Variants in CCSER1 observed in about 807,000 individuals in gnomAD.
CCSER1 encodes serine-rich coiled-coil domain-containing protein 1.
In CCSER1, 41 loss-of-function variants were observed where a neutral mutation model predicts 82.0. The observed-to-expected ratio is 0.50, with a 90% CI of 0.39 to 0.65. CCSER1 has a LOEUF of 0.65. CCSER1 is among the 30% of genes least tolerant of loss of function. CCSER1 has a pLI of 0.00. For synonymous variants in CCSER1, 414 were observed against 383.9 expected (o/e 1.08, Z -0.92); for missense variants, 1,119 against 1,064.2 (o/e 1.05, Z -0.72).
At chr4:91,062,029 T>G (rs1743999070) in intron 9 of CCSER1, among the ~76,000 whole-genome samples, 1 of 150,684 alleles carries the variant, frequency 6.6e-6, no homozygotes, top group Admixed American at 6.6e-5. Flanking sequence ...TTCTGCATGC[T>G]CTCTCTCTCT....
intron 3 of CCSER1, among the ~76,000 whole-genome samples, chr4:90,378,771 T>C (rs931328910): frequency 3.3e-5 from 5 of 152,192 alleles, no homozygotes; most frequent in African/African-American, 1.2e-4. Context: ...TTTAGCAAAA[T>C]AGTACATTAT....
chr4:91,071,187 C>T (rs1721393947), intron 9 of CCSER1, among the ~76,000 whole-genome samples: 1 of 152,096 alleles, frequency 6.6e-6, no homozygotes, highest in Admixed American at 6.6e-5. Context: ...ACTGTTTGAG[C>T]AACTGGTATA....
At chr4:91,470,164 A>G (rs1009974823) in intron 10 of CCSER1, among the ~76,000 whole-genome samples, 34 of 152,302 alleles carry the variant, frequency 2.2e-4, no homozygotes, top group Admixed American at 1.3e-3. Flanking sequence ...TAAACTTGCT[A>G]AACTGAATGT....
At chr4:90,971,261 A>C (rs2150399217) in intron 9 of CCSER1, among the ~76,000 whole-genome samples, 1 of 152,064 alleles carries the variant, frequency 6.6e-6, no homozygotes, top group Middle Eastern at 3.4e-3. Context: ...ATCATGGTGG[A>C]AGGTGAAGAG....
At chr4:90,589,383 AAG>A (rs1782422813) in intron 5 of CCSER1, among the ~76,000 whole-genome samples, 1 of 152,046 alleles carries the variant, frequency 6.6e-6, no homozygotes, top group Non-Finnish European at 1.5e-5. Flanking sequence ...TTGATTAAAA[AAG>A]AGTTTCATGT....
At chr4:91,410,625 T>C (rs1752967793) in intron 10 of CCSER1, among the ~76,000 whole-genome samples, 1 of 152,154 alleles carries the variant, frequency 6.6e-6, no homozygotes, top group Non-Finnish European at 1.5e-5. Context: ...ATTCTCTGCC[T>C]TATTTTATTA....
intron 6 of CCSER1, among the ~76,000 whole-genome samples, chr4:90,662,994 G>A (rs905027204): frequency 1.3e-5 from 2 of 152,100 alleles, no homozygotes; most frequent in Admixed American, 1.3e-4. Context: ...TTCATAAAGT[G>A]AGATTACCTA....
intron 9 of CCSER1, among the ~76,000 whole-genome samples, chr4:91,006,677 G>C (rs911088545): frequency 1.3e-5 from 2 of 151,866 alleles, no homozygotes; most frequent in African/African-American, 4.8e-5. Flanking sequence ...ATTTTTAGTA[G>C]AGGCGGGGTT....
At chr4:91,423,396 A>G (rs950324923) in intron 10 of CCSER1, among the ~76,000 whole-genome samples, 11 of 151,960 alleles carry the variant, frequency 7.2e-5, no homozygotes, top group Admixed American at 5.9e-4. Context: ...TGCCACTGCA[A>G]TTCAGCCTGG....
intron 5 of CCSER1, among the ~76,000 whole-genome samples, chr4:90,565,142 A>G (rs1425216097): frequency 6.6e-6 from 1 of 151,730 alleles, no homozygotes; most frequent in Non-Finnish European, 1.5e-5. Flanking sequence ...ATTAATATTA[A>G]TGCTTTCAAT....
chr4:91,420,019 C>G (rs1578410596), intron 10 of CCSER1, among the ~76,000 whole-genome samples: 1 of 151,972 alleles, frequency 6.6e-6, no homozygotes, highest in Admixed American at 6.6e-5. Context: ...GAAACTGGAC[C>G]CTTGTCTTAC....
chr4:91,200,508 C>T (rs1024642756), intron 10 of CCSER1, among the ~76,000 whole-genome samples: 16 of 152,100 alleles, frequency 1.1e-4, no homozygotes, highest in South Asian at 2.1e-4. Flanking sequence ...TCAGCATTTA[C>T]GTGGATTTGT....
chr4:90,917,740 T>C (rs1727715092), intron 8 of CCSER1, among the ~76,000 whole-genome samples: 1 of 152,128 alleles, frequency 6.6e-6, no homozygotes, highest in Non-Finnish European at 1.5e-5. Context: ...AAAAAAATCT[T>C]TTATTATTGA....
At chr4:90,623,906 T>A (rs1347439638) in intron 5 of CCSER1, among the ~76,000 whole-genome samples, 1 of 152,182 alleles carries the variant, frequency 6.6e-6, no homozygotes, top group Non-Finnish European at 1.5e-5. Flanking sequence ...TTTATGTCAT[T>A]GTGCTGGTCT....
At chr4:91,157,617 T>A (rs1013621164) in intron 10 of CCSER1, among the ~76,000 whole-genome samples, 1 of 152,048 alleles carries the variant, frequency 6.6e-6, no homozygotes, top group African/African-American at 2.4e-5. Flanking sequence ...TATATTTATA[T>A]CTCCATCTAT....
intron 8 of CCSER1, among the ~76,000 whole-genome samples, chr4:90,871,603 T>G (rs1580862528): frequency 1.3e-5 from 2 of 152,000 alleles, no homozygotes; most frequent in East Asian, 3.9e-4. Flanking sequence ...TCATTGAGAA[T>G]TATCCATGTG....
In CCSER1 at chr4:90,309,078, A is replaced by T. The variant is rs2153478852; in HGVS notation, c.794A>T (p.Glu265Val). ...QTPSEFLALTEDSVSEMDAFS... is the reference protein window; with the variant it reads ...QTPSEFLALTVDSVSEMDAFS... ...CCTTCAGAATTTTTAGCCTTGACTG[A>T]AGATTCTGTGTCTGAAATGGATGCA... The change falls in exon 2 of 11, where the codon GAA (glutamate) becomes GTA (valine). Residue 265 changes from glutamate to valine, a missense_variant. Coordinates refer to ENST00000509176, the MANE Select transcript of CCSER1 (RefSeq NM_001145065.2). The T allele has an allele frequency of 1.2e-6, 2 of 1,613,880 alleles. No homozygotes were observed. Among genetic ancestry groups the T allele is most frequent in the East Asian group, 2.2e-5 (1 of 44,876 alleles).
At chr4:90,690,065 T>A (rs1033292592) in intron 6 of CCSER1, among the ~76,000 whole-genome samples, 4 of 152,038 alleles carry the variant, frequency 2.6e-5, no homozygotes, top group African/African-American at 9.7e-5. Context: ...ATTGTGGTAG[T>A]CACTGCTGGT....
At chr4:90,353,097 C>G (rs1394647220) in intron 3 of CCSER1, among the ~76,000 whole-genome samples, 2 of 152,168 alleles carry the variant, frequency 1.3e-5, no homozygotes, top group Admixed American at 1.3e-4. Context: ...AGATACTTCT[C>G]TTCCCACTTC....
Sources: gnomAD v4.1 joint callset for allele counts (sites outside exome capture counted in the v4.1 genomes callset) on GRCh38, gnomAD v4.1.1 for gene constraint, MANE v1.5 for transcripts, NCBI Gene and HGNC (gene_info 2026-07-23, HGNC 2026-07-21) for gene names.